GARNL3: variants seen among roughly 807,000 people sequenced by gnomAD.
GARNL3 encodes GTPase activating Rap/RanGAP domain like 3.
GARNL3 carries 63 observed loss-of-function variants against 125.0 expected under a neutral mutation model. The ratio of observed to expected loss-of-function variants is 0.50; its 90% CI spans 0.41 to 0.62. The LOEUF is 0.62. Among genes scored for constraint, GARNL3 ranks in the 20% least tolerant of loss-of-function variants. The probability of loss-of-function intolerance (pLI) is 0.00; values close to 1 mark genes in which losing one functional copy is unlikely to be tolerated. For missense variants in GARNL3, 994 were observed against 1,244.0 expected (o/e 0.80, Z 3.02); for synonymous variants, 439 against 457.5 (o/e 0.96, Z 0.52).
intron 2 of GARNL3, chr9:127,300,627 G>A (rs1760818546): frequency 3.4e-6 from 1 of 293,142 alleles, no homozygotes; most frequent in South Asian, 3.1e-5. Flanking sequence ...GCTAATTTTT[G>A]TATTGTTAGT....
At chr9:127,267,374 A>T (rs554301174) in intron 1 of GARNL3, among the ~76,000 whole-genome samples, 1 of 152,182 alleles carries the variant, frequency 6.6e-6, no homozygotes, top group Non-Finnish European at 1.5e-5. Context: ...CCTCATTTTT[A>T]TATTGTTATA....
intron 15 of GARNL3, among the ~76,000 whole-genome samples, chr9:127,344,575 C>G (rs1203140815): frequency 1.3e-5 from 2 of 152,198 alleles, no homozygotes; most frequent in African/African-American, 4.8e-5. Flanking sequence ...TGCCTCAAGG[C>G]AAGTAGCCAC....
Position 127,265,000 on chromosome 9 carries a change from A to C in GARNL3, c.123A>C (p.Lys41Asn), listed in dbSNP as rs755977225. The C allele has an allele frequency of 6.2e-6, 10 of 1,613,098 alleles. No individual in the cohort carries two copies. Among genetic ancestry groups the C allele is most frequent in the Non-Finnish European group, 8.5e-6 (10 of 1,179,482 alleles). Residue 41 changes from lysine to asparagine, a missense_variant, in exon 1 of 28, where the codon AAA becomes AAC. By Grantham distance (94) the Lys-to-Asn change is moderately conservative (BLOSUM62 0). Coordinates refer to ENST00000373387, the MANE Select transcript of GARNL3 (RefSeq NM_032293.5). ...LGCRRGDFSR[K>N]HYGSVELLIS... ...GTAGACGTGGGGATTTCAGTAGGAA[A>C]CATTATGGATCTGTGGAGCTGGTAA...
At chr9:127,251,223 T>A (rs2131207496) in intron 2 of GARNL3, among the ~76,000 whole-genome samples, 1 of 152,328 alleles carries the variant, frequency 6.6e-6, no homozygotes, top group Admixed American at 6.5e-5. Context: ...TCTAATTTTG[T>A]CCTTAGAAAC....
At chr9:127,224,955 C>T (rs567813989) in intron 1 of GARNL3, among the ~76,000 whole-genome samples, 166 of 57,244 alleles carry the variant, frequency 2.9e-3, no homozygotes, top group Middle Eastern at 0.016. Flanking sequence ...GGGCCTGCTC[C>T]GGGCTGAGGG....
chr9:127,244,008 G>C (rs1005165691), intron 2 of GARNL3, among the ~76,000 whole-genome samples: 1 of 152,232 alleles, frequency 6.6e-6, no homozygotes, highest in African/African-American at 2.4e-5. Context: ...TTGTATGCTT[G>C]TTTACTGTAC....
chr9:127,376,386 T>C (rs1398162152), intron 22 of GARNL3, among the ~76,000 whole-genome samples: 1 of 151,976 alleles, frequency 6.6e-6, no homozygotes, highest in African/African-American at 2.4e-5. Flanking sequence ...GCCCGGCTAA[T>C]TTTTTGTATT....
chr9:127,284,103 T>C (rs2064176897), intron 1 of GARNL3, among the ~76,000 whole-genome samples: 1 of 151,440 alleles, frequency 6.6e-6, no homozygotes, highest in Admixed American at 6.6e-5. Context: ...GTAGCTCCGG[T>C]GTGGAGCATC....
intron 15 of GARNL3, 51 bp from the exon 16 acceptor site, chr9:127,345,352 G>T (rs1035246009): frequency 4.4e-6 from 5 of 1,138,830 alleles, no homozygotes; most frequent in Non-Finnish European, 6.4e-6. Context: ...TGTTTATCCT[G>T]CTGTACTTTT....
At position 127,280,843 on chromosome 9, in the gene GARNL3, G is replaced by A. The variant is rs1473733044; in HGVS notation, c.145-10325G>A. ...TGTTTCTCAGTAAAATAGCAGAAAG[G>A]TCATCTGTTAGGAGAAAGGGTGTTT... On this transcript the variant is annotated intron_variant, in intron 1 of 27. Transcript: ENST00000373387. This position sits in a 1 kb window ranked among gnomAD's most constrained non-coding sequence, Gnocchi z 4.5. Among the ~76,000 whole-genome samples the A allele has an allele frequency of 6.6e-6, 1 of 152,184 alleles. No individual in the cohort carries two copies. The highest frequency in any genetic ancestry group is 6.5e-5 in the Admixed American group (1 of 15,278).
At chr9:127,332,875 CAAG>C (rs1169752412) in intron 8 of GARNL3, 145 bp from the exon 9 acceptor site, 2 of 640,052 alleles carry the variant, frequency 3.1e-6, no homozygotes, top group South Asian at 1.9e-5. Context: ...TCATGGTGCT[CAAG>C]AAGAAGGAAA....
chr9:127,249,400 A>G (rs1010630985), intron 2 of GARNL3, among the ~76,000 whole-genome samples: 1 of 151,722 alleles, frequency 6.6e-6, no homozygotes, highest in Non-Finnish European at 1.5e-5. Context: ...CCCGGGCAAC[A>G]TGATGAAACC....
intron 22 of GARNL3, among the ~76,000 whole-genome samples, chr9:127,380,266 T>A (rs533076345): frequency 1.3e-5 from 2 of 151,436 alleles, no homozygotes; most frequent in Non-Finnish European, 2.9e-5. Flanking sequence ...GACATAAGGT[T>A]GCAGATGATT....
At chr9:127,337,344 A>T (rs757089372) in intron 11 of GARNL3, among the ~76,000 whole-genome samples, 9 of 151,946 alleles carry the variant, frequency 5.9e-5, no homozygotes, top group Non-Finnish European at 1.3e-4. Context: ...TATTTTTTAG[A>T]ATTTCCCTGA....
At chr9:127,362,224 A>G (rs1484642823) in intron 21 of GARNL3, 1 of 150,034 alleles carries the variant, frequency 6.7e-6, no homozygotes, top group Non-Finnish European at 1.5e-5. Context: ...GCCCACCACC[A>G]CACCCGACTA....
At chr9:127,291,080 C>A in intron 1 of GARNL3, 88 bp from the exon 2 acceptor site, 2 of 1,360,424 alleles carry the variant, frequency 1.5e-6, no homozygotes, top group Non-Finnish European at 2.1e-6. Context: ...AGCCTGTGTC[C>A]TTAGATGTGG....
At chr9:127,300,598 G>A (rs1588797960) in intron 2 of GARNL3, 5 of 300,130 alleles carry the variant, frequency 1.7e-5, no homozygotes, top group South Asian at 1.5e-4. Context: ...GGGACTACAG[G>A]CATGCGCCAC....
chr9:127,230,839 G>A (rs2062987040), intron 1 of GARNL3, among the ~76,000 whole-genome samples: 1 of 151,366 alleles, frequency 6.6e-6, no homozygotes, highest in African/African-American at 2.4e-5. Context: ...TGAGGAAAAG[G>A]ACAATAGGTA....
chr9:127,314,493 CA>C (rs2065180177), intron 4 of GARNL3, among the ~76,000 whole-genome samples: 1 of 152,170 alleles, frequency 6.6e-6, no homozygotes, highest in African/African-American at 2.4e-5. Flanking sequence ...CCCTGGCATC[CA>C]CCTCTTGGCT....
Sources: allele counts gnomAD v4.1 joint callset (sites outside exome capture counted in the v4.1 genomes callset), GRCh38; gene constraint gnomAD v4.1.1; non-coding constraint Gnocchi (gnomAD v3.1); transcripts MANE v1.5; gene names NCBI Gene and HGNC (gene_info 2026-07-23, HGNC 2026-07-21).